The following LRPPRC variants were observed in gnomAD, a reference collection of about 807,000 sequenced individuals.
LRPPRC encodes the protein leucine rich pentatricopeptide repeat containing.
LRPPRC carries 120 observed loss-of-function variants against 180.3 expected under a neutral mutation model. That is an observed-to-expected ratio of 0.67 (90% CI 0.57 to 0.77). The LOEUF (loss-of-function observed/expected upper bound fraction) is 0.77, where lower values mean the gene tolerates loss of function less well. Among genes scored for constraint, LRPPRC ranks in the 30% least tolerant of loss-of-function variants. The pLI is 0.00. For missense variants in LRPPRC, 2,012 were observed against 1,657.2 expected, an observed-to-expected ratio of 1.21 and a Z score of -3.72; for synonymous variants, 723 against 600.0, an observed-to-expected ratio of 1.21 and a Z score of -3.00.
chr2:43,908,553 ACT>A (rs750440920), intron 30 of LRPPRC, among the ~76,000 whole-genome samples: 40 of 150,364 alleles, frequency 2.7e-4, no homozygotes, highest in Non-Finnish European at 4.7e-4. Context: ...TTTTTTTCTC[ACT>A]CTGTCACTCA....
intron 11 of LRPPRC, among the ~76,000 whole-genome samples, chr2:43,972,413 T>C (rs991085863): frequency 1.3e-5 from 2 of 152,206 alleles, no homozygotes; most frequent in African/African-American, 4.8e-5. Context: ...AACTGTGACA[T>C]GGTTGTGGAA....
In LRPPRC at chr2:43,995,958, T is replaced by C. The variant is rs188424940; in HGVS notation, c.-11A>G. 6.0e-4 allele frequency: 922 copies of C among 1,524,338 alleles called. 12 individuals are homozygous for C. The East Asian group carries it at 0.017, about 28-fold the overall frequency. The allele number at this position is 1,524,338 out of a possible 1,614,324, so 94.4% of individuals were successfully genotyped here. On this transcript the variant is annotated 5_prime_UTR_variant, in exon 1 of 38. Coordinates refer to ENST00000260665, the MANE Select transcript of LRPPRC (RefSeq NM_133259.4). ...CAGCAGGGCTGCCATTGCTCGAACGTCCCCGCAGCGGGAAGCACGCTCCGC... is the reference window on the plus strand; with the variant it reads ...CAGCAGGGCTGCCATTGCTCGAACGCCCCCGCAGCGGGAAGCACGCTCCGC...
chr2:43,919,945 C>T (rs1199662101), intron 27 of LRPPRC, among the ~76,000 whole-genome samples: 2 of 151,740 alleles, frequency 1.3e-5, no homozygotes, highest in Non-Finnish European at 2.9e-5. Context: ...ATACTAAAAA[C>T]ACGTAGGATT....
chr2:43,973,617 T>A lies in LRPPRC; in HGVS notation c.1359A>T (p.Lys453Asn). Residue 453 changes from lysine to asparagine, a missense_variant, in exon 11 of 38, where the codon AAA (lysine) becomes AAT (asparagine). Transcript: ENST00000260665. ...AAGGCAAAATCTAACCTTGAACATT[T>A]TTTTCCTTCCGACGTCCAACTAGCA... ...WPLLVGRRKEKNVQGIIEILK... is the reference protein window; with the variant it reads ...WPLLVGRRKENNVQGIIEILK... 1.2e-6 allele frequency: 2 copies of A among 1,612,672 alleles called. No homozygotes were observed. Among genetic ancestry groups the A allele is most frequent in the Non-Finnish European group, 1.7e-6 (2 of 1,178,694 alleles).
At chr2:43,949,149 A>G (rs1672805239) in intron 16 of LRPPRC, among the ~76,000 whole-genome samples, 1 of 152,234 alleles carries the variant, frequency 6.6e-6, no homozygotes, top group South Asian at 2.1e-4. Context: ...CATCTTACAG[A>G]AAACTATATA....
chr2:43,906,455 T>TA (rs1400884064), intron 30 of LRPPRC, among the ~76,000 whole-genome samples: 1 of 152,058 alleles, frequency 6.6e-6, no homozygotes, highest in African/African-American at 2.4e-5. Context: ...CTACAGGATT[T>TA]AAAAAAAGCA....
At chr2:43,969,886 G>A (rs1357429708) in intron 11 of LRPPRC, among the ~76,000 whole-genome samples, 1 of 151,962 alleles carries the variant, frequency 6.6e-6, no homozygotes, top group Non-Finnish European at 1.5e-5. Flanking sequence ...AACTTCCCAA[G>A]GCTAGTCTCA....
At chr2:43,909,023 A>G (rs1156935159) in intron 30 of LRPPRC, among the ~76,000 whole-genome samples, 1 of 152,220 alleles carries the variant, frequency 6.6e-6, no homozygotes, top group Non-Finnish European at 1.5e-5. Context: ...TTTCACTCTG[A>G]TCACTGATAC....
chr2:43,992,456 G>T (rs1043193696), intron 1 of LRPPRC, among the ~76,000 whole-genome samples: 5 of 151,996 alleles, frequency 3.3e-5, no homozygotes, highest in Non-Finnish European at 7.3e-5. Context: ...CAGAAGAGTT[G>T]ACGCTCCAGA....
chr2:43,984,823 G>C (rs760398815), intron 1 of LRPPRC, among the ~76,000 whole-genome samples: 8 of 152,036 alleles, frequency 5.3e-5, no homozygotes, highest in Non-Finnish European at 1.2e-4. Flanking sequence ...CCACATAAGG[G>C]GAAATTATTG....
Position 43,919,307 on chromosome 2 carries a change from A to G in LRPPRC, c.2897-909T>C, listed in dbSNP as rs139079156. 6.3e-3 allele frequency among the ~76,000 whole-genome samples: 963 copies of G among 152,254 alleles called. 6 individuals are homozygous for G. Among genetic ancestry groups the G allele is most frequent in the Non-Finnish European group, 9.2e-3 (628 of 67,990 alleles). On this transcript the variant is annotated intron_variant, in intron 27 of 37. Coordinates refer to ENST00000260665, the MANE Select transcript of LRPPRC (RefSeq NM_133259.4). ...CATGAAACCAGTCCCTGGTACCAAA[A>G]AGGTTGGGGGCTGCTGCCGTATAGT...
chr2:43,917,882 G>A (rs1671531298), intron 29 of LRPPRC, 143 bp downstream of exon 29: 38 of 636,942 alleles, frequency 6.0e-5, no homozygotes, highest in Non-Finnish European at 1.1e-5. Flanking sequence ...TTTCGTTAAA[G>A]TATGGAAGGG....
At chr2:43,890,538 C>A (rs919831993) in intron 36 of LRPPRC, among the ~76,000 whole-genome samples, 3 of 152,096 alleles carry the variant, frequency 2.0e-5, no homozygotes, top group African/African-American at 7.2e-5. Flanking sequence ...ATGGTGAAAC[C>A]CTGTCTCTAC....
intron 30 of LRPPRC, among the ~76,000 whole-genome samples, chr2:43,906,006 GA>G (rs1432999735): frequency 6.6e-6 from 1 of 152,066 alleles, no homozygotes; most frequent in African/African-American, 2.4e-5. Context: ...AGCAACAAAA[GA>G]AACAAAGTAC....
Position 43,943,872 on chromosome 2 carries a change from C to G in LRPPRC, c.2319G>C (p.Glu773Asp). Residue 773 changes from glutamate to aspartate, a missense_variant, in exon 23 of 38, where the codon GAG becomes GAC. Physicochemically the swap from Glu to Asp is conservative, Grantham distance 45. Transcript: ENST00000260665. ...TGATAAGAACATCCTTCTCTTTCATCTCCTTCAGAATGTTAATAGCATCTA... is the reference window on the plus strand; with the variant it reads ...TGATAAGAACATCCTTCTCTTTCATGTCCTTCAGAATGTTAATAGCATCTA... ...KLQDAINILK[E>D]MKEKDVLIKD... 6.2e-7 allele frequency: 1 copy of G among 1,612,852 alleles called. No homozygotes were observed. Among genetic ancestry groups the G allele is most frequent in the Non-Finnish European group, 8.5e-7 (1 of 1,178,996 alleles).
rs1670821629 is a variant in LRPPRC at position 43,899,788 on chromosome 2, A to G, written c.3570-183T>C. The G allele has an allele frequency of 2.0e-5, 12 of 596,598 alleles. No homozygotes were observed. The South Asian group carries it at 2.4e-4, about 12-fold the overall frequency. The allele number at this position is 596,598 out of a possible 1,614,324, so 37.0% of individuals were successfully genotyped here. ...ACCCTGAATCACATTTAAGTAGCAA[A>G]AACATTCACTAGCTGGTTCGTGCTG... On this transcript the variant is annotated intron_variant, in intron 32 of 37. Coordinates refer to ENST00000260665, the MANE Select transcript of LRPPRC (RefSeq NM_133259.4).
chr2:43,957,570 T>C, intron 13 of LRPPRC, 119 bp from the exon 14 acceptor site: 1 of 752,626 alleles, frequency 1.3e-6, no homozygotes, highest in Non-Finnish European at 2.3e-6. Context: ...GAAATTGTAT[T>C]TAAAAAATAA....
In LRPPRC at chr2:43,926,621, C is replaced by T. The variant is rs577864436; in HGVS notation, c.2737-660G>A. On this transcript the variant is annotated intron_variant, in intron 25 of 37. Coordinates refer to ENST00000260665, the MANE Select transcript of LRPPRC (RefSeq NM_133259.4). ...GCCTCAAGTGATCTGCCCACCTCAGCGTCCCAAAGTGCTGGGATTACAGGC... is the reference window on the plus strand; with the variant it reads ...GCCTCAAGTGATCTGCCCACCTCAGTGTCCCAAAGTGCTGGGATTACAGGC... Among the ~76,000 whole-genome samples, 69 of 152,292 alleles carry T rather than the reference C, an allele frequency of 4.5e-4. 2 individuals carry two copies. The South Asian group carries it at 0.014, about 31-fold the overall frequency.
intron 23 of LRPPRC, among the ~76,000 whole-genome samples, chr2:43,939,656 G>GT (rs1306789950): frequency 1.9e-4 from 29 of 152,080 alleles, no homozygotes; most frequent in African/African-American, 5.3e-4. Context: ...AGAGCTAAAT[G>GT]TTTTTTTTCT....
Sources: gnomAD v4.1 joint callset for allele counts (sites outside exome capture counted in the v4.1 genomes callset) on GRCh38, gnomAD v4.1.1 for gene constraint, MANE v1.5 for transcripts, NCBI Gene and HGNC (gene_info 2026-07-23, HGNC 2026-07-21) for gene names.